Variants in ATAD2B observed in about 807,000 individuals in gnomAD.
ATAD2B encodes ATPase family AAA domain containing 2B, also known as ATPase family AAA domain-containing protein 2B.
A neutral mutation model predicts 167.6 loss-of-function variants in ATAD2B; 40 were observed. That is an observed-to-expected ratio of 0.24 (90% CI 0.19 to 0.31). The LOEUF is 0.31. Among genes scored for constraint, ATAD2B ranks in the 10% least tolerant of loss-of-function variants. The probability of loss-of-function intolerance (pLI) is 1.00; values close to 1 mark genes in which losing one functional copy is unlikely to be tolerated. For synonymous variants in ATAD2B, 579 were observed against 596.5 expected (o/e 0.97, Z 0.43); for missense variants, 1,242 against 1,757.2 (o/e 0.71, Z 5.24).
At chr2:23,856,789 A>T (rs1217298752) in intron 13 of ATAD2B, among the ~76,000 whole-genome samples, 1 of 152,002 alleles carries the variant, frequency 6.6e-6, no homozygotes, top group African/African-American at 2.4e-5. Flanking sequence ...GAACCCAGGA[A>T]GTGGAGGTTG....
chr2:23,760,697 T>TGC (rs1676560145), intron 24 of ATAD2B, among the ~76,000 whole-genome samples: 1 of 118,008 alleles, frequency 8.5e-6, no homozygotes, highest in Non-Finnish European at 1.8e-5. Context: ...AATTTATATA[T>TGC]ATACACACAC....
At chr2:23,909,600 G>A (rs995321194) in intron 1 of ATAD2B, among the ~76,000 whole-genome samples, 2 of 151,900 alleles carry the variant, frequency 1.3e-5, no homozygotes, top group Non-Finnish European at 2.9e-5. Context: ...CATAGTACAT[G>A]TGCCATGGTC....
At chr2:23,709,175 G>C in the ATAD2B span, among the ~76,000 whole-genome samples, 19 of 152,234 alleles carry the variant, frequency 1.2e-4, no homozygotes, top group South Asian at 2.1e-3. Context: ...CTGAGTAGCT[G>C]GGATTACAAG....
intron 2 of ATAD2B, among the ~76,000 whole-genome samples, chr2:23,892,521 G>C (rs1699680998): frequency 6.8e-6 from 1 of 148,058 alleles, no homozygotes; most frequent in South Asian, 2.1e-4. Flanking sequence ...ATCCAGGCTA[G>C]AGTGCAGTGG....
the ATAD2B span, among the ~76,000 whole-genome samples, chr2:23,717,844 A>C: frequency 1.3e-5 from 2 of 152,348 alleles, no homozygotes; most frequent in African/African-American, 4.8e-5. Flanking sequence ...TAACCCCAAA[A>C]TTGGGAAAAC....
intron 2 of ATAD2B, among the ~76,000 whole-genome samples, chr2:23,893,774 A>C (rs1018874774): frequency 1.3e-5 from 2 of 149,794 alleles, no homozygotes; most frequent in African/African-American, 4.9e-5. Flanking sequence ...GGATCATGGC[A>C]TCCTCCAGCC....
At chr2:23,690,362 CCCAGGCACCCAGT>C in the ATAD2B span, 1 of 152,218 alleles carries the variant, frequency 6.6e-6, no homozygotes, top group Non-Finnish European at 1.5e-5. Flanking sequence ...GGTGGCAGAG[CCCAGGCACCCAGT>C]GCCCCCAGCT....
chr2:23,760,927 G>A (rs1676664214), intron 24 of ATAD2B, among the ~76,000 whole-genome samples: 1 of 152,032 alleles, frequency 6.6e-6, no homozygotes, highest in Non-Finnish European at 1.5e-5. Flanking sequence ...TTAAGTTAAT[G>A]TAAAACAGAA....
At chr2:23,882,261 T>C (rs1260222776) in intron 6 of ATAD2B, among the ~76,000 whole-genome samples, 3 of 151,700 alleles carry the variant, frequency 2.0e-5, no homozygotes, top group African/African-American at 7.3e-5. Flanking sequence ...GAGTGCATGA[T>C]CTTGGCTCAC....
chr2:23,756,696 A>T (rs993939129), intron 25 of ATAD2B, among the ~76,000 whole-genome samples: 6 of 152,166 alleles, frequency 3.9e-5, no homozygotes, highest in African/African-American at 1.4e-4. Flanking sequence ...AGAACAAGGT[A>T]AACTTGACAA....
At chr2:23,762,484 G>T in intron 23 of ATAD2B, 138 bp from the exon 24 acceptor site, 1 of 739,628 alleles carries the variant, frequency 1.4e-6, no homozygotes, top group Non-Finnish European at 2.0e-6. Flanking sequence ...TCCAATGAAA[G>T]CAGTGTCTTT....
chr2:23,836,069 C>G (rs1053453698), intron 13 of ATAD2B, among the ~76,000 whole-genome samples: 9 of 152,150 alleles, frequency 5.9e-5, no homozygotes, highest in Non-Finnish European at 1.0e-4. Flanking sequence ...GGGCTCATTC[C>G]ACCCACTCGA....
intron 25 of ATAD2B, 39 bp from the exon 26 acceptor site, chr2:23,754,813 A>T: frequency 6.3e-7 from 1 of 1,589,140 alleles, no homozygotes; most frequent in Non-Finnish European, 8.6e-7. Context: ...AGCAAGTAAA[A>T]GTTAAGAAAA....
chr2:23,895,992 G>C (rs774246190), intron 1 of ATAD2B, 22 bp from the exon 2 acceptor site: 1 of 1,586,050 alleles, frequency 6.3e-7, no homozygotes, highest in East Asian at 2.3e-5. Flanking sequence ...TGTTAAAAAT[G>C]TATTTATTAT....
intron 1 of ATAD2B, among the ~76,000 whole-genome samples, chr2:23,920,087 G>T (rs72796337): frequency 1.3e-5 from 2 of 151,302 alleles, no homozygotes; most frequent in Admixed American, 1.3e-4. Flanking sequence ...CGAAGCGGAG[G>T]TTGCAGTGAG....
the ATAD2B span, chr2:23,706,917 C>T: frequency 3.0e-5 from 12 of 399,840 alleles, no homozygotes; most frequent in Non-Finnish European, 4.4e-5. Flanking sequence ...TGAACAGGGG[C>T]GCTCGCTCTG....
intron 18 of ATAD2B, among the ~76,000 whole-genome samples, chr2:23,810,029 G>A (rs140278277): frequency 2.6e-4 from 40 of 152,104 alleles, no homozygotes; most frequent in Non-Finnish European, 4.1e-4. Flanking sequence ...TTTGAACAGA[G>A]GGTCAGAAAA....
the ATAD2B span, among the ~76,000 whole-genome samples, chr2:23,711,841 G>A: frequency 6.6e-6 from 1 of 152,276 alleles, no homozygotes; most frequent in Admixed American, 6.5e-5. Flanking sequence ...GGGTTATTAA[G>A]ATCCCTGTAC....
At chr2:23,763,270 T>C (rs529548927) in intron 23 of ATAD2B, among the ~76,000 whole-genome samples, 6 of 152,346 alleles carry the variant, frequency 3.9e-5, no homozygotes, top group Admixed American at 1.3e-4. Context: ...ATCTCACTTA[T>C]ATTAATCTCT....
Sources: gnomAD v4.1 joint callset for allele counts (sites outside exome capture counted in the v4.1 genomes callset) on GRCh38, gnomAD v4.1.1 for gene constraint, MANE v1.5 for transcripts, NCBI Gene and HGNC (gene_info 2026-07-23, HGNC 2026-07-21) for gene names.